Variants in CNTNAP4 observed in about 807,000 individuals in gnomAD.
CNTNAP4 encodes the protein contactin associated protein family member 4.
A neutral mutation model predicts 148.4 loss-of-function variants in CNTNAP4; 98 were observed. That is an observed-to-expected ratio of 0.66 (90% CI 0.56 to 0.78). The LOEUF (loss-of-function observed/expected upper bound fraction) is 0.78. Ranked by LOEUF, CNTNAP4 falls within the 30% of genes least tolerant of loss-of-function variation. The pLI is 0.00. For synonymous variants in CNTNAP4, 730 were observed against 565.1 expected (o/e 1.29, Z -4.14); for missense variants, 1,935 against 1,565.6 (o/e 1.24, Z -3.98).
At chr16:76,470,574 C>T (rs187650712) in intron 10 of CNTNAP4, among the ~76,000 whole-genome samples, 4 of 149,298 alleles carry the variant, frequency 2.7e-5, no homozygotes, top group Non-Finnish European at 4.4e-5. Flanking sequence ...CGCTTGAACC[C>T]GGGAGACGAA....
At chr16:76,322,838 T>A (rs1023620745) in intron 2 of CNTNAP4, among the ~76,000 whole-genome samples, 1 of 137,198 alleles carries the variant, frequency 7.3e-6, no homozygotes, top group African/African-American at 2.5e-5. Context: ...TTATTTTTTA[T>A]TTTTTGTTTT....
intron 1 of CNTNAP4, among the ~76,000 whole-genome samples, chr16:76,311,255 C>G (rs1336588432): frequency 6.6e-6 from 1 of 151,866 alleles, no homozygotes. Context: ...TTCAGTATAC[C>G]TTGCATCAAT....
chr16:76,471,351 TA>T (rs2081366743), intron 10 of CNTNAP4, among the ~76,000 whole-genome samples: 1 of 152,146 alleles, frequency 6.6e-6, no homozygotes, highest in African/African-American at 2.4e-5. Flanking sequence ...AAACACTTAT[TA>T]AAGGAAATTG....
At chr16:76,367,267 T>C (rs2014251010) in intron 3 of CNTNAP4, among the ~76,000 whole-genome samples, 1 of 151,818 alleles carries the variant, frequency 6.6e-6, no homozygotes, top group Admixed American at 6.6e-5. Context: ...TCAAAATAGA[T>C]TTAATATAAA....
chr16:76,331,701 G>A (rs888338824), intron 2 of CNTNAP4, among the ~76,000 whole-genome samples: 1 of 152,096 alleles, frequency 6.6e-6, no homozygotes, highest in Non-Finnish European at 1.5e-5. Context: ...TAGACACATA[G>A]TTATAATTAT....
At chr16:76,419,856 T>C (rs2079117515) in intron 3 of CNTNAP4, among the ~76,000 whole-genome samples, 1 of 152,042 alleles carries the variant, frequency 6.6e-6, no homozygotes, top group Admixed American at 6.6e-5. Context: ...CTGCACCTGG[T>C]GAAGAAAAAG....
Position 76,449,594 on chromosome 16 carries a change from T to C in CNTNAP4, c.928-121T>C, listed in dbSNP as rs936153941. ...TTAAATCTATATCTTAATTTTTGTG[T>C]GTGTAGGGTTATGAAAAATTGATCT... On this transcript the variant is annotated intron_variant, in intron 6 of 23. Coordinates refer to ENST00000611870, the MANE Select transcript of CNTNAP4 (RefSeq NM_033401.5). 97 of 700,948 alleles carry C rather than the reference T, an allele frequency of 1.4e-4. No homozygotes were observed. The African/African-American group carries it at 1.8e-3, about 13-fold the overall frequency. The allele number at this position is 700,948 out of a possible 1,614,324, so 43.4% of individuals were successfully genotyped here.
intron 4 of CNTNAP4, among the ~76,000 whole-genome samples, chr16:76,447,265 G>C (rs2080282603): frequency 6.6e-6 from 1 of 151,820 alleles, no homozygotes; most frequent in Non-Finnish European, 1.5e-5. Flanking sequence ...AGCCAAGATA[G>C]TGTGAGTACC....
intron 2 of CNTNAP4, among the ~76,000 whole-genome samples, chr16:76,320,125 A>G (rs1027786073): frequency 6.6e-6 from 1 of 152,202 alleles, no homozygotes; most frequent in Non-Finnish European, 1.5e-5. Flanking sequence ...TGTATCTGGC[A>G]AGGGTTCAGA....
At chr16:76,428,722 T>C (rs1471958702) in intron 4 of CNTNAP4, among the ~76,000 whole-genome samples, 2 of 152,050 alleles carry the variant, frequency 1.3e-5, no homozygotes, top group African/African-American at 2.4e-5. Context: ...ATAATACTAA[T>C]AAAAGTATTA....
At chr16:76,290,862 C>G (rs1391056696) in intron 1 of CNTNAP4, among the ~76,000 whole-genome samples, 1 of 152,198 alleles carries the variant, frequency 6.6e-6, no homozygotes, top group Non-Finnish European at 1.5e-5. Context: ...AAAAGTCCAT[C>G]AAAATGCCAT....
chr16:76,476,951 G>C (rs1250340231), intron 11 of CNTNAP4, among the ~76,000 whole-genome samples: 1 of 151,976 alleles, frequency 6.6e-6, no homozygotes, highest in African/African-American at 2.4e-5. Flanking sequence ...TATGATGGTA[G>C]ATAAATAGTT....
At chr16:76,294,774 C>G (rs1204803633) in intron 1 of CNTNAP4, among the ~76,000 whole-genome samples, 1 of 152,126 alleles carries the variant, frequency 6.6e-6, no homozygotes, top group African/African-American at 2.4e-5. Flanking sequence ...GTTAGTAAGC[C>G]TCCACATTGT....
At chr16:76,458,545 G>A (rs1468306303) in intron 8 of CNTNAP4, among the ~76,000 whole-genome samples, 1 of 151,990 alleles carries the variant, frequency 6.6e-6, no homozygotes, top group Non-Finnish European at 1.5e-5. Context: ...TCAAGCATTA[G>A]ATTCTCATTA....
At chr16:76,289,214 CA>C (rs1287238928) in intron 1 of CNTNAP4, among the ~76,000 whole-genome samples, 3 of 152,150 alleles carry the variant, frequency 2.0e-5, no homozygotes, top group African/African-American at 7.2e-5. Context: ...AATCCATCCT[CA>C]TGTCTTCCTA....
chr16:76,524,226 C>T (rs1035378465), intron 17 of CNTNAP4, among the ~76,000 whole-genome samples: 1 of 152,006 alleles, frequency 6.6e-6, no homozygotes, highest in African/African-American at 2.4e-5. Context: ...ATCTTGTGAC[C>T]ACTTGATTGA....
chr16:76,467,209 T>G, intron 9 of CNTNAP4, 143 bp from the exon 10 acceptor site: 1 of 679,814 alleles, frequency 1.5e-6, no homozygotes, highest in Non-Finnish European at 2.4e-6. Context: ...TAGATCAAAC[T>G]AATAATGACT....
chr16:76,318,297 A>T (rs1962022932), intron 2 of CNTNAP4, among the ~76,000 whole-genome samples: 1 of 152,150 alleles, frequency 6.6e-6, no homozygotes, highest in Admixed American at 6.5e-5. Context: ...ATTTATCTTG[A>T]TTTCCTTTGT....
At chr16:76,504,806 C>A (rs1356119355) in intron 15 of CNTNAP4, among the ~76,000 whole-genome samples, 1 of 151,976 alleles carries the variant, frequency 6.6e-6, no homozygotes, top group East Asian at 1.9e-4. Context: ...AAAAGATTTG[C>A]ACATACACAT....
Sources: allele counts gnomAD v4.1 joint callset (sites outside exome capture counted in the v4.1 genomes callset), GRCh38; gene constraint gnomAD v4.1.1; transcripts MANE v1.5; gene names NCBI Gene and HGNC (gene_info 2026-07-23, HGNC 2026-07-21).